Variants in EFHC2 observed in about 807,000 individuals in gnomAD.
EFHC2 encodes the protein EF-hand domain-containing family member C2.
Under a neutral mutation model 52.7 loss-of-function variants are expected in EFHC2, and 18 were observed. The ratio of observed to expected loss-of-function variants is 0.34; its 90% CI spans 0.24 to 0.51. EFHC2 has a LOEUF of 0.51. EFHC2 is among the 20% of genes least tolerant of loss of function. EFHC2 has a pLI of 0.97. For synonymous variants in EFHC2, 203 were observed against 204.1 expected (o/e 0.99, Z 0.04); for missense variants, 513 against 562.5 (o/e 0.91, Z 0.89).
intron 14 of EFHC2, among the ~76,000 whole-genome samples, chrX:44,161,576 T>C (rs923729494): frequency 9.0e-6 from 1 of 111,663 alleles, no homozygotes; most frequent in African/African-American, 3.3e-5. Context: ...TCAACCCAAC[T>C]GGAGGCCTAG....
intron 11 of EFHC2, among the ~76,000 whole-genome samples, chrX:44,214,813 T>A (rs1411144599): frequency 8.9e-6 from 1 of 112,097 alleles, no homozygotes; most frequent in African/African-American, 3.2e-5. Context: ...TATGTATGCT[T>A]ATATGTAAGT....
chrX:44,320,805 C>G (rs1471332732), intron 1 of EFHC2, among the ~76,000 whole-genome samples: 3 of 109,998 alleles, frequency 2.7e-5, no homozygotes, highest in Non-Finnish European at 5.7e-5. Flanking sequence ...CCCCTCCATT[C>G]ACTCCTGCAC....
chrX:44,254,896 G>C (rs1342904887), intron 4 of EFHC2, among the ~76,000 whole-genome samples: 1 of 111,821 alleles, frequency 8.9e-6, no homozygotes, highest in Non-Finnish European at 1.9e-5. Flanking sequence ...ACCCACAAAG[G>C]GAAGCCCATC....
At chrX:44,340,535 T>G (rs946551282) in intron 1 of EFHC2, among the ~76,000 whole-genome samples, 1 of 110,665 alleles carries the variant, frequency 9.0e-6, no homozygotes, top group African/African-American at 3.3e-5. Flanking sequence ...GGCGCATGCC[T>G]GTAATTCCAG....
rs765401501 is a variant in EFHC2, at chrX:44,202,040, A to G, written c.1752-23476T>C. 4.5e-5 allele frequency among the ~76,000 whole-genome samples: 5 copies of G among 111,259 alleles called. No homozygotes were observed. In the East Asian group the frequency reaches 1.4e-3, roughly 31 times the overall value. On this transcript the variant is annotated intron_variant, in intron 11 of 14. Coordinates refer to ENST00000420999, the MANE Select transcript of EFHC2 (RefSeq NM_025184.4). ...GCCCTAGCCAATATAATAAAAATAG[A>G]AAAAAAAATCATAAGGATTAGAAAG...
rs763463592 is a variant in EFHC2 at position 44,248,258 on chromosome X, T to A, written c.1111+14A>T. On this transcript the variant is annotated intron_variant, in intron 7 of 14. Transcript: ENST00000420999. ...ATTTTAAAAATATTTTTAATTGACA[T>A]ATGTATCACTTACCAATTCCATATT... 1 of 1,104,912 alleles carries A rather than the reference T, an allele frequency of 9.1e-7. No homozygotes were observed. The highest frequency in any genetic ancestry group is 1.2e-6 in the Non-Finnish European group (1 of 828,340). The allele number at this position is 1,104,912 out of a possible 1,213,427, so 91.1% of individuals were successfully genotyped here.
chrX:44,319,837 A>C lies in EFHC2; in HGVS notation c.43-7081T>G, dbSNP rs886701993. Among the ~76,000 whole-genome samples, 8 of 112,795 alleles carry C rather than the reference A, an allele frequency of 7.1e-5. No individual in the cohort carries two copies. In the East Asian group the frequency reaches 2.2e-3, roughly 31 times the overall value. On this transcript the variant is annotated intron_variant, in intron 1 of 14. Transcript: ENST00000420999. ...CATGTAGATACATTTTTTAAATTCC[A>C]AAGACAGCATGTATGCTTCTAAAGT...
chrX:44,327,914 G>C (rs904132183), intron 1 of EFHC2, among the ~76,000 whole-genome samples: 3 of 112,169 alleles, frequency 2.7e-5, no homozygotes, highest in East Asian at 5.6e-4. Context: ...ATAACAATAA[G>C]ATTGATTTTA....
chrX:44,149,676 C>T (rs1385782711), intron 14 of EFHC2, among the ~76,000 whole-genome samples: 1 of 110,995 alleles, frequency 9.0e-6, no homozygotes, highest in African/African-American at 3.3e-5. Flanking sequence ...CCACCATGCC[C>T]GGCTAATTTT....
At chrX:44,309,275 G>GA (rs146815156) in intron 2 of EFHC2, 88,691 of 576,414 alleles carry the variant, frequency 0.15, 6,884 homozygotes, top group African/African-American at 0.47. Context: ...TTATGAGATG[G>GA]AAAAAAATCA....
chrX:44,200,453 C>T (rs1031949316), intron 11 of EFHC2, among the ~76,000 whole-genome samples: 1 of 110,999 alleles, frequency 9.0e-6, no homozygotes, highest in Non-Finnish European at 1.9e-5. Flanking sequence ...AAGAAAAGAA[C>T]AAGATGCTAC....
intron 1 of EFHC2, among the ~76,000 whole-genome samples, chrX:44,322,749 T>A (rs972392570): frequency 2.7e-5 from 3 of 112,272 alleles, no homozygotes; most frequent in Non-Finnish European, 5.6e-5. Context: ...AAGGACTTGG[T>A]ATTGGCTTTT....
At chrX:44,203,403 C>T (rs1423940615) in intron 11 of EFHC2, among the ~76,000 whole-genome samples, 2 of 111,134 alleles carry the variant, frequency 1.8e-5, no homozygotes, top group African/African-American at 6.5e-5. Context: ...TGCTCTGACC[C>T]CCACTCTAAT....
intron 8 of EFHC2, 64 bp downstream of exon 8, chrX:44,242,057 C>A (rs1602171715): frequency 2.8e-6 from 3 of 1,064,805 alleles, no homozygotes; most frequent in East Asian, 3.2e-5. Flanking sequence ...GTCATGAGAA[C>A]TATGTTATAA....
intron 1 of EFHC2, among the ~76,000 whole-genome samples, chrX:44,333,919 T>C (rs1476332922): frequency 1.8e-5 from 2 of 111,570 alleles, no homozygotes; most frequent in Non-Finnish European, 3.8e-5. Flanking sequence ...TGACTGGAAC[T>C]GAGGCAACTA....
intron 2 of EFHC2, among the ~76,000 whole-genome samples, chrX:44,289,895 C>G (rs1348470782): frequency 1.8e-5 from 2 of 110,414 alleles, no homozygotes; most frequent in African/African-American, 6.6e-5. Flanking sequence ...GTTGGCCAGG[C>G]TGGTCTCGAA....
At chrX:44,240,556 G>A (rs995061793) in intron 8 of EFHC2, among the ~76,000 whole-genome samples, 2 of 111,760 alleles carry the variant, frequency 1.8e-5, no homozygotes, top group African/African-American at 3.3e-5. Flanking sequence ...CTTCCTGCCC[G>A]CCTCCTTCGG....
intron 4 of EFHC2, among the ~76,000 whole-genome samples, chrX:44,258,196 G>A (rs1333064994): frequency 9.0e-6 from 1 of 111,641 alleles, no homozygotes. Context: ...AGAAAACCTA[G>A]GCAATACCAT....
In EFHC2 at chrX:44,232,521, T is replaced by G. The variant is rs2037285733; in HGVS notation, c.1580A>C (p.Asp527Ala). The stretch of plus-strand genomic sequence containing the variant: ...CTCCATGTAGTTTAAGGTATACTCA[T>G]CAGCATTGAGCAAACGAAATAGGTA... ...NGYLFRLLNADEYTLNYMEQN... is the reference protein window; with the variant it reads ...NGYLFRLLNAAEYTLNYMEQN... The change falls in exon 10 of 15, where the codon GAT becomes GCT. Residue 527 changes from aspartate to alanine, a missense_variant. Asp to Ala is a moderately radical substitution (Grantham distance 126). Coordinates refer to ENST00000420999, the MANE Select transcript of EFHC2 (RefSeq NM_025184.4). 8.5e-7 allele frequency: 1 copy of G among 1,172,400 alleles called. No homozygotes were observed. The highest frequency in any genetic ancestry group is 2.4e-5 in the Admixed American group (1 of 41,157).
Sources: gnomAD v4.1 joint callset for allele counts (sites outside exome capture counted in the v4.1 genomes callset) on GRCh38, gnomAD v4.1.1 for gene constraint, MANE v1.5 for transcripts, NCBI Gene and HGNC (gene_info 2026-07-23, HGNC 2026-07-21) for gene names.